Variants in NNT observed in about 807,000 individuals in gnomAD.
NNT encodes NAD(P) transhydrogenase, mitochondrial.
In NNT, 50 loss-of-function variants were observed where a neutral mutation model predicts 104.8. That is an observed-to-expected ratio of 0.48 (90% CI 0.38 to 0.60). NNT has a LOEUF of 0.60. Among genes scored for constraint, NNT ranks in the 20% least tolerant of loss-of-function variants. The probability of loss-of-function intolerance (pLI) is 0.00; values close to 1 mark genes in which losing one functional copy is unlikely to be tolerated. For missense variants in NNT, 1,131 were observed against 1,330.7 expected (o/e 0.85, Z 2.33); for synonymous variants, 461 against 490.4 (o/e 0.94, Z 0.79).
At chr5:43,675,435 C>T (rs1212418107) in intron 17 of NNT, 76 bp from the exon 18 acceptor site, 14 of 1,240,444 alleles carry the variant, frequency 1.1e-5, no homozygotes, top group African/African-American at 1.5e-5. Flanking sequence ...TTCCAAATAT[C>T]ATATACACAA....
At chr5:43,657,469 T>C (rs768095436) in intron 16 of NNT, among the ~76,000 whole-genome samples, 1 of 152,240 alleles carries the variant, frequency 6.6e-6, no homozygotes. Flanking sequence ...CTGTTACTCA[T>C]GTTCTTTCAG....
chr5:43,659,929 A>T (rs1740266617), intron 17 of NNT, among the ~76,000 whole-genome samples: 1 of 152,166 alleles, frequency 6.6e-6, no homozygotes, highest in African/African-American at 2.4e-5. Context: ...TTCCTTATGT[A>T]TGGCATATCT....
chr5:43,693,853 C>T (rs1200369309), intron 19 of NNT, among the ~76,000 whole-genome samples: 1 of 152,160 alleles, frequency 6.6e-6, no homozygotes, highest in Non-Finnish European at 1.5e-5. Flanking sequence ...ATTTTATTCT[C>T]ACTTAAATAA....
At chr5:43,698,293 C>T (rs1742666589) in intron 19 of NNT, among the ~76,000 whole-genome samples, 1 of 151,554 alleles carries the variant, frequency 6.6e-6, no homozygotes, top group African/African-American at 2.4e-5. Context: ...AAATCAATTC[C>T]CAGCTGGGGC....
chr5:43,695,583 A>T (rs1742515846), intron 19 of NNT, among the ~76,000 whole-genome samples: 1 of 152,194 alleles, frequency 6.6e-6, no homozygotes, highest in Admixed American at 6.5e-5. Flanking sequence ...GGACAGCAGT[A>T]GGTCAGGATG....
intron 7 of NNT, among the ~76,000 whole-genome samples, chr5:43,635,444 A>T (rs553782979): frequency 2.0e-4 from 31 of 152,286 alleles, no homozygotes; most frequent in South Asian, 2.1e-4. Flanking sequence ...TTCTTTTGCT[A>T]AGACTTAGTC....
intron 20 of NNT, among the ~76,000 whole-genome samples, chr5:43,701,116 T>C (rs1742827804): frequency 6.6e-6 from 1 of 152,188 alleles, no homozygotes; most frequent in South Asian, 2.1e-4. Flanking sequence ...TTTTTTTAAC[T>C]TTTATTGTAG....
intron 7 of NNT, among the ~76,000 whole-genome samples, chr5:43,640,405 G>A (rs1010380682): frequency 6.6e-6 from 1 of 152,104 alleles, no homozygotes; most frequent in African/African-American, 2.4e-5. Flanking sequence ...AGGGAGGGCA[G>A]GTGACTTTGA....
intron 6 of NNT, among the ~76,000 whole-genome samples, chr5:43,625,052 C>T (rs546513862): frequency 1.3e-5 from 2 of 152,166 alleles, no homozygotes; most frequent in South Asian, 2.1e-4. Flanking sequence ...AAGGCATTTC[C>T]AAAGTAACCA....
chr5:43,635,651 C>T (rs566460384), intron 7 of NNT, among the ~76,000 whole-genome samples: 77 of 152,240 alleles, frequency 5.1e-4, no homozygotes, highest in Admixed American at 1.2e-3. Flanking sequence ...GGTTAGTTTC[C>T]TCTGAGCCTC....
chr5:43,624,552 A>AATTATTTATGCTGC, intron 6 of NNT, among the ~76,000 whole-genome samples: 1 of 152,224 alleles, frequency 6.6e-6, no homozygotes, highest in Non-Finnish European at 1.5e-5. Context: ...GCAACGCATG[A>AATTATTTATGCTGC]ATTATTTATG....
At chr5:43,675,470 A>G (rs1741361917) in intron 17 of NNT, 41 bp from the exon 18 acceptor site, 13 of 1,560,204 alleles carry the variant, frequency 8.3e-6, no homozygotes, top group Non-Finnish European at 1.1e-5. Context: ...TCACAAAGTT[A>G]TGTGTGTTAA....
intron 3 of NNT, among the ~76,000 whole-genome samples, chr5:43,615,477 CCTGT>C (rs1284946233): frequency 6.6e-6 from 1 of 152,230 alleles, no homozygotes; most frequent in African/African-American, 2.4e-5. Context: ...AACAAAACTT[CCTGT>C]CTGTTTATTC....
intron 21 of NNT, 142 bp downstream of exon 21, chr5:43,702,878 C>G (rs1318904538): frequency 3.6e-6 from 2 of 563,246 alleles, no homozygotes; most frequent in Non-Finnish European, 6.2e-6. Context: ...GCCCAGTTTC[C>G]TATATCCAGC....
chr5:43,703,143 A>G (rs1389274936), intron 21 of NNT, among the ~76,000 whole-genome samples: 1 of 152,232 alleles, frequency 6.6e-6, no homozygotes, highest in African/African-American at 2.4e-5. Flanking sequence ...AAGGGAATTT[A>G]TAAGTTGTTA....
chr5:43,640,956 A>G (rs1751200218), intron 7 of NNT, among the ~76,000 whole-genome samples: 1 of 151,674 alleles, frequency 6.6e-6, no homozygotes, highest in Admixed American at 6.6e-5. Context: ...GACTGGAGAG[A>G]TATTCCCCAA....
intron 4 of NNT, 115 bp downstream of exon 4, chr5:43,616,180 G>A (rs1429695550): frequency 4.6e-6 from 4 of 866,718 alleles, no homozygotes; most frequent in Non-Finnish European, 7.2e-6. Context: ...GGAGATTACA[G>A]CCTTTTGAGA....
intron 20 of NNT, among the ~76,000 whole-genome samples, chr5:43,701,012 T>C (rs1742822183): frequency 6.6e-6 from 1 of 152,238 alleles, no homozygotes; most frequent in Non-Finnish European, 1.5e-5. Flanking sequence ...GTTGTTAAAT[T>C]ATGTGTGACA....
chr5:43,614,794 T>C (rs1199617020), intron 3 of NNT, among the ~76,000 whole-genome samples: 2 of 152,268 alleles, frequency 1.3e-5, no homozygotes, highest in Non-Finnish European at 2.9e-5. Context: ...TAAACTTGGA[T>C]ATAAAACATT....
Sources: allele counts gnomAD v4.1 joint callset (sites outside exome capture counted in the v4.1 genomes callset), GRCh38; gene constraint gnomAD v4.1.1; transcripts MANE v1.5; gene names NCBI Gene and HGNC (gene_info 2026-07-23, HGNC 2026-07-21).